Variants in RGS7 observed in about 807,000 individuals in gnomAD.
RGS7 encodes the protein regulator of G-protein signaling 7.
Under a neutral mutation model 81.1 loss-of-function variants are expected in RGS7, and 27 were observed. The observed-to-expected ratio is 0.33, with a 90% CI of 0.25 to 0.46. The LOEUF (loss-of-function observed/expected upper bound fraction) is 0.46. RGS7 is among the 20% of genes least tolerant of loss of function. The probability of loss-of-function intolerance (pLI) is 1.00; values close to 1 mark genes in which losing one functional copy is unlikely to be tolerated. For missense variants in RGS7, 396 were observed against 607.4 expected, an observed-to-expected ratio of 0.65 and a Z score of 3.66; for synonymous variants, 208 against 207.7, an observed-to-expected ratio of 1.00 and a Z score of -0.01.
At chr1:241,034,880 A>G (rs994204413) in intron 3 of RGS7, among the ~76,000 whole-genome samples, 1 of 152,214 alleles carries the variant, frequency 6.6e-6, no homozygotes, top group African/African-American at 2.4e-5. Flanking sequence ...TGTTGATAGA[A>G]AACGATTTTG....
intron 6 of RGS7, among the ~76,000 whole-genome samples, chr1:240,897,058 A>C (rs1000182955): frequency 1.3e-5 from 2 of 152,120 alleles, no homozygotes; most frequent in African/African-American, 2.4e-5. Context: ...TGTGAATGGG[A>C]GTTCACTCAT....
chr1:241,178,222 T>G (rs934253943), intron 2 of RGS7, among the ~76,000 whole-genome samples: 4 of 151,950 alleles, frequency 2.6e-5, no homozygotes, highest in African/African-American at 9.7e-5. Flanking sequence ...AGCCCAGGCA[T>G]TTGAGATTGC....
intron 2 of RGS7, among the ~76,000 whole-genome samples, chr1:241,194,689 G>C (rs933456478): frequency 6.6e-6 from 1 of 152,110 alleles, no homozygotes; most frequent in Non-Finnish European, 1.5e-5. Flanking sequence ...AACTATAAAG[G>C]CTGAACAAAA....
chr1:241,198,982 A>C (rs373324144), intron 2 of RGS7, among the ~76,000 whole-genome samples: 12 of 150,478 alleles, frequency 8.0e-5, no homozygotes, highest in South Asian at 2.1e-4. Flanking sequence ...ATATACAACC[A>C]AACAGCCTAG....
intron 3 of RGS7, among the ~76,000 whole-genome samples, chr1:241,065,445 T>C (rs1255367972): frequency 3.9e-5 from 6 of 152,002 alleles, no homozygotes; most frequent in Non-Finnish European, 7.4e-5. Context: ...TTTTTATGTG[T>C]TTTCTTAAAT....
chr1:240,996,070 T>G (rs2148609956), intron 3 of RGS7, among the ~76,000 whole-genome samples: 1 of 152,332 alleles, frequency 6.6e-6, no homozygotes, highest in East Asian at 1.9e-4. Flanking sequence ...TAAAGTGTGT[T>G]GTTTAATTTC....
At chr1:240,817,236 T>A (rs888745047) in intron 10 of RGS7, among the ~76,000 whole-genome samples, 2 of 152,202 alleles carry the variant, frequency 1.3e-5, no homozygotes, top group African/African-American at 4.8e-5. Context: ...TTCTTGGATA[T>A]CAAAGTATTA....
At chr1:240,776,846 G>A (rs1308007220) in intron 18 of RGS7, among the ~76,000 whole-genome samples, 2 of 152,278 alleles carry the variant, frequency 1.3e-5, no homozygotes, top group Non-Finnish European at 2.9e-5. Context: ...ATGTCTTCCT[G>A]TTCTTTCCTA....
chr1:241,069,544 A>G (rs2062302426), intron 3 of RGS7, among the ~76,000 whole-genome samples: 1 of 152,234 alleles, frequency 6.6e-6, no homozygotes, highest in African/African-American at 2.4e-5. Flanking sequence ...AGAAGAAATT[A>G]TACAGTGATA....
chr1:241,089,021 A>ATCTCTCTCTCTCTCTCTCTCTC lies in RGS7; in HGVS notation c.175+9623_175+9644dup, dbSNP rs1158514403. ...AGCCTGGGCCACAGAGCAAGACTCCATCTCTCTCTCTCTCTCTCTCTCTCT... is the reference window on the plus strand; with the variant it reads ...AGCCTGGGCCACAGAGCAAGACTCCATCTCTCTCTCTCTCTCTCTCTCTCTCTCTCTCTCTCTCTCTCTCTCT... On this transcript the variant is annotated intron_variant, in intron 3 of 18. Coordinates refer to ENST00000440928, the MANE Select transcript of RGS7 (RefSeq NM_001364886.1). Among the ~76,000 whole-genome samples, 15 of 23,650 alleles carry ATCTCTCTCTCTCTCTCTCTCTC rather than the reference A, an allele frequency of 6.3e-4. 1 individual carries two copies. Among genetic ancestry groups the ATCTCTCTCTCTCTCTCTCTCTC allele is most frequent in the Admixed American group, 1.6e-3 (3 of 1,856 alleles). 15.5% of individuals were successfully genotyped at this position (23,650 alleles called of 152,430 possible).
intron 2 of RGS7, among the ~76,000 whole-genome samples, chr1:241,256,338 A>C (rs1458564659): frequency 2.0e-5 from 3 of 152,226 alleles, no homozygotes; most frequent in African/African-American, 7.2e-5. Context: ...TCTGAAAAAA[A>C]TGTTTGTCAA....
At chr1:240,873,004 A>G (rs261819) in intron 6 of RGS7, among the ~76,000 whole-genome samples, 54,068 of 151,824 alleles carry the variant, frequency 0.36, 10,425 homozygotes, top group African/African-American at 0.5. Flanking sequence ...ACATGAACCC[A>G]GGAGACAGAG....
intron 2 of RGS7, among the ~76,000 whole-genome samples, chr1:241,340,479 A>G (rs1287702341): frequency 6.6e-6 from 1 of 152,212 alleles, no homozygotes; most frequent in Non-Finnish European, 1.5e-5. Context: ...TAAAGAATTT[A>G]TAAGATTCTT....
chr1:241,113,925 T>C (rs1389377716), intron 2 of RGS7, among the ~76,000 whole-genome samples: 1 of 152,222 alleles, frequency 6.6e-6, no homozygotes, highest in Non-Finnish European at 1.5e-5. Flanking sequence ...CACTCTGTAT[T>C]ACATTATAGT....
At chr1:241,171,670 A>C (rs6429247) in intron 2 of RGS7, among the ~76,000 whole-genome samples, 24,661 of 152,144 alleles carry the variant, frequency 0.16, 2,846 homozygotes, top group African/African-American at 0.32. Flanking sequence ...TAATTACACC[A>C]GGGAATACTT....
chr1:241,055,722 C>T (rs577930278), intron 3 of RGS7, among the ~76,000 whole-genome samples: 151 of 152,252 alleles, frequency 9.9e-4, no homozygotes, highest in African/African-American at 3.6e-3. Flanking sequence ...ATTACATGGG[C>T]TTGATTGATT....
At chr1:241,095,247 G>A (rs762901629) in intron 3 of RGS7, among the ~76,000 whole-genome samples, 8 of 152,114 alleles carry the variant, frequency 5.3e-5, no homozygotes, top group Non-Finnish European at 7.4e-5. Flanking sequence ...ACAAATTGAG[G>A]TTCTAATTTA....
chr1:241,292,450 T>C (rs1356833578), intron 2 of RGS7, among the ~76,000 whole-genome samples: 1 of 152,136 alleles, frequency 6.6e-6, no homozygotes, highest in Non-Finnish European at 1.5e-5. Context: ...CAACAAGCAA[T>C]AGGGCGGCTT....
At chr1:241,351,657 A>C (rs765581081) in intron 2 of RGS7, among the ~76,000 whole-genome samples, 5 of 152,182 alleles carry the variant, frequency 3.3e-5, no homozygotes, top group Non-Finnish European at 7.3e-5. Context: ...AAATAAAAAC[A>C]AACGAATGCA....
Sources: gnomAD v4.1 joint callset for allele counts (sites outside exome capture counted in the v4.1 genomes callset) on GRCh38, gnomAD v4.1.1 for gene constraint, MANE v1.5 for transcripts, NCBI Gene and HGNC (gene_info 2026-07-23, HGNC 2026-07-21) for gene names.